Variants in ZNF804A observed in about 807,000 individuals in gnomAD.
ZNF804A encodes zinc finger protein 804A.
A neutral mutation model predicts 16.5 loss-of-function variants in ZNF804A; 2 were observed. The ratio of observed to expected loss-of-function variants is 0.12; its 90% CI spans 0.05 to 0.38. The LOEUF is 0.38. ZNF804A is among the 10% of genes least tolerant of loss of function. ZNF804A has a pLI of 0.99. For synonymous variants in ZNF804A, 534 were observed against 489.6 expected (o/e 1.09, Z -1.20); for missense variants, 1,473 against 1,390.7 (o/e 1.06, Z -0.94).
rs139769964 is a variant in ZNF804A at position 184,859,144 on chromosome 2, T to G, written c.112-7225T>G. Among the ~76,000 whole-genome samples, 4 of 152,284 alleles carry G rather than the reference T, an allele frequency of 2.6e-5. No individual in the cohort carries two copies. In the East Asian group the frequency reaches 7.7e-4, roughly 29 times the overall value. On this transcript the variant is annotated intron_variant, in intron 1 of 3. Coordinates refer to ENST00000302277, the MANE Select transcript of ZNF804A (RefSeq NM_194250.2). ...CTTTGACCTTCCTGTACCTAGATATTTATATCTTTCCTCAAATTTTGAAAG... is the reference window on the plus strand; with the variant it reads ...CTTTGACCTTCCTGTACCTAGATATGTATATCTTTCCTCAAATTTTGAAAG...
intron 1 of ZNF804A, among the ~76,000 whole-genome samples, chr2:184,700,822 AT>A (rs554342553): frequency 5.6e-4 from 85 of 152,176 alleles, no homozygotes; most frequent in African/African-American, 2.0e-3. Flanking sequence ...TTATGTGTGT[AT>A]TATTTGGAAA....
At chr2:184,793,728 C>A (rs551619035) in intron 1 of ZNF804A, among the ~76,000 whole-genome samples, 1 of 152,214 alleles carries the variant, frequency 6.6e-6, no homozygotes, top group South Asian at 2.1e-4. Flanking sequence ...ACCTTCCCAC[C>A]CTTTCTCTCT....
At chr2:184,684,562 T>A (rs2105721187) in intron 1 of ZNF804A, among the ~76,000 whole-genome samples, 1 of 152,338 alleles carries the variant, frequency 6.6e-6, no homozygotes, top group African/African-American at 2.4e-5. Context: ...TGTTTTGTTT[T>A]CTTTTTTATT....
chr2:184,932,725 G>A (rs1204733246), intron 2 of ZNF804A, among the ~76,000 whole-genome samples: 2 of 152,058 alleles, frequency 1.3e-5, no homozygotes, highest in African/African-American at 4.8e-5. Flanking sequence ...TTTAATAACT[G>A]TACACATCAT....
At chr2:184,932,263 T>G (rs531502081) in intron 2 of ZNF804A, among the ~76,000 whole-genome samples, 1 of 152,232 alleles carries the variant, frequency 6.6e-6, no homozygotes, top group African/African-American at 2.4e-5. Context: ...CAGCACCAAT[T>G]TACCATATTA....
intron 1 of ZNF804A, among the ~76,000 whole-genome samples, chr2:184,826,633 T>C (rs1299544446): frequency 6.6e-6 from 1 of 152,166 alleles, no homozygotes; most frequent in Non-Finnish European, 1.5e-5. Flanking sequence ...GTTTTATTTT[T>C]AGAATTTCTT....
At chr2:184,657,191 T>C (rs1692092518) in intron 1 of ZNF804A, among the ~76,000 whole-genome samples, 1 of 152,120 alleles carries the variant, frequency 6.6e-6, no homozygotes, top group African/African-American at 2.4e-5. Flanking sequence ...GCTCAATTGA[T>C]TCTCCCACTT....
chr2:184,730,700 G>A (rs886821266), intron 1 of ZNF804A, among the ~76,000 whole-genome samples: 1 of 152,068 alleles, frequency 6.6e-6, no homozygotes, highest in African/African-American at 2.4e-5. Flanking sequence ...CTTGTGCCTT[G>A]ATATCTCATT....
At chr2:184,770,987 G>A (rs932849258) in intron 1 of ZNF804A, among the ~76,000 whole-genome samples, 1 of 151,830 alleles carries the variant, frequency 6.6e-6, no homozygotes, top group Admixed American at 6.6e-5. Context: ...AACATAACTC[G>A]AACACTACAA....
intron 2 of ZNF804A, among the ~76,000 whole-genome samples, chr2:184,929,267 A>G (rs1685657596): frequency 6.6e-6 from 1 of 152,218 alleles, no homozygotes; most frequent in Admixed American, 6.5e-5. Context: ...GATTATGTCA[A>G]TGAAACCAAA....
chr2:184,846,722 C>T (rs1695522308), intron 1 of ZNF804A, among the ~76,000 whole-genome samples: 1 of 151,998 alleles, frequency 6.6e-6, no homozygotes, highest in African/African-American at 2.4e-5. Flanking sequence ...ACTAATCTAA[C>T]TCGGTGTTTT....
intron 1 of ZNF804A, among the ~76,000 whole-genome samples, chr2:184,608,523 G>A (rs1574129358): frequency 6.6e-6 from 1 of 152,170 alleles, no homozygotes; most frequent in South Asian, 2.1e-4. Context: ...GGTAATGTAT[G>A]TGCTCAAATG....
chr2:184,877,508 T>C (rs759805044), intron 2 of ZNF804A, among the ~76,000 whole-genome samples: 1 of 152,022 alleles, frequency 6.6e-6, no homozygotes, highest in Non-Finnish European at 1.5e-5. Flanking sequence ...GCTGAAAGGA[T>C]TATCTCATAA....
chr2:184,925,710 T>C (rs978541771), intron 2 of ZNF804A, among the ~76,000 whole-genome samples: 1 of 151,890 alleles, frequency 6.6e-6, no homozygotes, highest in East Asian at 1.9e-4. Flanking sequence ...GTGTTTTAAT[T>C]GTATATTTTT....
At chr2:184,730,005 G>A (rs1233016536) in intron 1 of ZNF804A, among the ~76,000 whole-genome samples, 2 of 152,018 alleles carry the variant, frequency 1.3e-5, no homozygotes, top group Non-Finnish European at 2.9e-5. Flanking sequence ...CATAGTATAT[G>A]ACCAATAAAT....
intron 2 of ZNF804A, among the ~76,000 whole-genome samples, chr2:184,912,666 C>A (rs563779983): frequency 2.6e-5 from 4 of 152,126 alleles, no homozygotes; most frequent in African/African-American, 9.6e-5. Flanking sequence ...GAAATGGTTT[C>A]TAATTGTGGC....
intron 1 of ZNF804A, among the ~76,000 whole-genome samples, chr2:184,624,940 A>T (rs1691473160): frequency 6.6e-6 from 1 of 152,146 alleles, no homozygotes; most frequent in Admixed American, 6.6e-5. Flanking sequence ...GAGTTCCAGT[A>T]TTATATTACT....
At chr2:184,903,593 G>A (rs1438975140) in intron 2 of ZNF804A, among the ~76,000 whole-genome samples, 6 of 152,120 alleles carry the variant, frequency 3.9e-5, no homozygotes, top group Admixed American at 1.3e-4. Context: ...CATGACTGTA[G>A]TATAAGAGTT....
intron 1 of ZNF804A, among the ~76,000 whole-genome samples, chr2:184,713,817 G>A (rs528979464): frequency 3.1e-4 from 47 of 151,960 alleles, no homozygotes; most frequent in African/African-American, 1.1e-3. Context: ...TGAGTACAAG[G>A]CAAAGAAAAT....
Sources: allele counts gnomAD v4.1 joint callset (sites outside exome capture counted in the v4.1 genomes callset), GRCh38; gene constraint gnomAD v4.1.1; transcripts MANE v1.5; gene names NCBI Gene and HGNC (gene_info 2026-07-23, HGNC 2026-07-21).